The following SORL1 variants were observed in gnomAD, a reference collection of about 807,000 sequenced individuals.
SORL1 encodes sortilin-related receptor.
Under a neutral mutation model 273.7 loss-of-function variants are expected in SORL1, and 127 were observed. That is an observed-to-expected ratio of 0.46 (90% CI 0.40 to 0.54). The LOEUF (loss-of-function observed/expected upper bound fraction) is 0.54. Among genes scored for constraint, SORL1 ranks in the 20% least tolerant of loss-of-function variants. SORL1 has a pLI of 0.00. For synonymous variants in SORL1, 1,031 were observed against 1,067.4 expected (o/e 0.97, Z 0.66); for missense variants, 2,494 against 2,846.1 (o/e 0.88, Z 2.81).
At chr11:121,556,780 A>G (rs1862593175) in intron 18 of SORL1, among the ~76,000 whole-genome samples, 1 of 152,212 alleles carries the variant, frequency 6.6e-6, no homozygotes, top group African/African-American at 2.4e-5. Flanking sequence ...AGGTAGGCCC[A>G]GGATGGGATG....
intron 44 of SORL1, 141 bp downstream of exon 44, chr11:121,621,379 A>G: frequency 1.4e-6 from 1 of 717,332 alleles, no homozygotes; most frequent in Non-Finnish European, 2.2e-6. Flanking sequence ...CTACAGGGGC[A>G]GAGTAGTGCA....
intron 6 of SORL1, among the ~76,000 whole-genome samples, chr11:121,505,458 A>G (rs1235650011): frequency 6.6e-6 from 1 of 151,110 alleles, no homozygotes; most frequent in Non-Finnish European, 1.5e-5. Context: ...ATTTATTCCT[A>G]CTGTAATCTT....
At chr11:121,457,083 C>A (rs1860918297) in intron 1 of SORL1, among the ~76,000 whole-genome samples, 1 of 152,168 alleles carries the variant, frequency 6.6e-6, no homozygotes, top group African/African-American at 2.4e-5. Context: ...GGGACGTGAC[C>A]TTGAAAAGCT....
At chr11:121,488,559 G>A (rs1861509204) in intron 4 of SORL1, among the ~76,000 whole-genome samples, 1 of 152,172 alleles carries the variant, frequency 6.6e-6, no homozygotes, top group Non-Finnish European at 1.5e-5. Flanking sequence ...GGGACCTTTT[G>A]TTGAATTTCT....
In SORL1 at chr11:121,577,437, C is replaced by T. The variant is rs373952818; in HGVS notation, c.3580+37C>T. On this transcript the variant is annotated intron_variant, in intron 25 of 47. Transcript: ENST00000260197. ...CTGGACTCAGTTGACAGCACTCATC[C>T]GTTCATGCAGTGGTTAACATTATAG... is the stretch of plus-strand genomic sequence containing the variant. The T allele has an allele frequency of 4.5e-5, 69 of 1,544,000 alleles. No homozygotes were observed. In the Middle Eastern group the frequency reaches 1.0e-3, roughly 23 times the overall value.
At chr11:121,535,924 C>T (rs1394723519) in intron 12 of SORL1, among the ~76,000 whole-genome samples, 20 of 152,122 alleles carry the variant, frequency 1.3e-4, no homozygotes, top group Admixed American at 6.5e-5. Flanking sequence ...TCATTCAGCC[C>T]GCTGCTCCTG....
At chr11:121,608,342 T>TA in intron 38 of SORL1, 166 bp downstream of exon 38, 1 of 609,326 alleles carries the variant, frequency 1.6e-6, no homozygotes, top group South Asian at 2.1e-5. Context: ...GTGCTTTAGA[T>TA]AGAGTCTTTT....
chr11:121,458,389 T>TG (rs1478002990), intron 1 of SORL1, among the ~76,000 whole-genome samples: 1 of 152,196 alleles, frequency 6.6e-6, no homozygotes, highest in Non-Finnish European at 1.5e-5. Flanking sequence ...TATTAAAACC[T>TG]GGGGGCATTA....
chr11:121,570,892 CAGAT>C (rs1165194354), intron 23 of SORL1, among the ~76,000 whole-genome samples: 4 of 152,194 alleles, frequency 2.6e-5, no homozygotes, highest in Admixed American at 2.0e-4. Flanking sequence ...CCACAAATAA[CAGAT>C]AGTTTATTAA....
intron 20 of SORL1, among the ~76,000 whole-genome samples, chr11:121,559,302 T>C (rs963093893): frequency 4.6e-5 from 7 of 152,344 alleles, no homozygotes; most frequent in East Asian, 1.9e-4. Flanking sequence ...ACTTGAATGC[T>C]TATCAGATAG....
chr11:121,550,194 C>A lies in SORL1; in HGVS notation c.2180+106C>A. On this transcript the variant is annotated intron_variant, in intron 15 of 47. Coordinates refer to ENST00000260197, the MANE Select transcript of SORL1 (RefSeq NM_003105.6). This position sits in a 1 kb window ranked among gnomAD's most constrained non-coding sequence, Gnocchi z 5.3. The stretch of plus-strand genomic sequence containing the variant: ...GCTCTACACTCGAAATTCTAGAATT[C>A]CAAGTTAACAGCCTGCAAGTAGTTT... 1 of 1,183,780 alleles carries A rather than the reference C, an allele frequency of 8.4e-7. No individual in the cohort carries two copies. Among genetic ancestry groups the A allele is most frequent in the Non-Finnish European group, 1.2e-6 (1 of 859,582 alleles). The allele number at this position is 1,183,780 out of a possible 1,614,324, so 73.3% of individuals were successfully genotyped here.
At chr11:121,622,604 G>A (rs1382305702) in intron 45 of SORL1, among the ~76,000 whole-genome samples, 1 of 152,218 alleles carries the variant, frequency 6.6e-6, no homozygotes, top group African/African-American at 2.4e-5. Flanking sequence ...TAAACCAGGA[G>A]CCTATTCCAC....
chr11:121,464,553 T>C (rs1050036977), intron 1 of SORL1, among the ~76,000 whole-genome samples: 1 of 152,200 alleles, frequency 6.6e-6, no homozygotes, highest in Non-Finnish European at 1.5e-5. Context: ...GACTGGGTGG[T>C]AGCAGGTCCT....
intron 5 of SORL1, 152 bp from the exon 6 acceptor site, chr11:121,496,717 A>G (rs763147405): frequency 1.1e-5 from 7 of 642,048 alleles, no homozygotes; most frequent in African/African-American, 1.8e-5. Flanking sequence ...TCAAGGAGTA[A>G]CCAAAGGGAT....
chr11:121,497,206 A>G (rs1350884312), intron 6 of SORL1, among the ~76,000 whole-genome samples, 157 bp downstream of exon 6: 1 of 152,204 alleles, frequency 6.6e-6, no homozygotes, highest in Non-Finnish European at 1.5e-5. Context: ...ACATTGACGA[A>G]CATTCCGAAA....
At chr11:121,576,833 T>A (rs1452945170) in intron 24 of SORL1, 2 of 1,534,226 alleles carry the variant, frequency 1.3e-6, no homozygotes, top group Non-Finnish European at 1.7e-6. Context: ...ACTGAGCATC[T>A]CACGGTGATC....
intron 38 of SORL1, chr11:121,610,822 A>G: frequency 2.6e-6 from 1 of 378,230 alleles, no homozygotes; most frequent in South Asian, 3.8e-5. Flanking sequence ...ACAAAATGGA[A>G]CTTTTCTGCC....
chr11:121,493,635 T>G (rs1422404861), intron 5 of SORL1, among the ~76,000 whole-genome samples: 1 of 152,242 alleles, frequency 6.6e-6, no homozygotes, highest in Non-Finnish European at 1.5e-5. Context: ...AGATTAGCCC[T>G]TTGGCTGTGA....
At chr11:121,538,650 A>T (rs1255236787) in intron 12 of SORL1, among the ~76,000 whole-genome samples, 2 of 150,338 alleles carry the variant, frequency 1.3e-5, no homozygotes, top group African/African-American at 2.4e-5. Context: ...ATTTTTGCTT[A>T]TTTTTTTTTG....
Sources: allele counts gnomAD v4.1 joint callset (sites outside exome capture counted in the v4.1 genomes callset), GRCh38; gene constraint gnomAD v4.1.1; non-coding constraint Gnocchi (gnomAD v3.1); transcripts MANE v1.5; gene names NCBI Gene and HGNC (gene_info 2026-07-23, HGNC 2026-07-21).